The following CTNNA3 variants were observed in gnomAD, a reference collection of about 807,000 sequenced individuals.
The protein encoded by CTNNA3 is catenin alpha 3, also known as catenin alpha-3.
In CTNNA3, 76 loss-of-function variants were observed where a neutral mutation model predicts 95.7. That is an observed-to-expected ratio of 0.79 (90% CI 0.66 to 0.96). The LOEUF (loss-of-function observed/expected upper bound fraction) is 0.96, where lower values mean the gene tolerates loss of function less well. Ranked by LOEUF, CTNNA3 falls within the 40% of genes least tolerant of loss-of-function variation. The probability of loss-of-function intolerance (pLI) is 0.00; values close to 1 mark genes in which losing one functional copy is unlikely to be tolerated. For missense variants in CTNNA3, 1,191 were observed against 1,089.8 expected (o/e 1.09, Z -1.31); for synonymous variants, 431 against 374.4 (o/e 1.15, Z -1.74).
rs772272609 is a variant in CTNNA3, at chr10:67,566,043, GTATATATATATATATATA to G, written c.293-26392_293-26375del. Among the ~76,000 whole-genome samples the G allele has an allele frequency of 2.5e-3, 67 of 26,960 alleles. 5 individuals carry two copies. The highest frequency in any genetic ancestry group is 0.025 in the Middle Eastern group (1 of 40). 17.7% of individuals were successfully genotyped at this position (26,960 alleles called of 152,430 possible). On this transcript the variant is annotated intron_variant, in intron 3 of 17. Coordinates refer to ENST00000433211, the MANE Select transcript of CTNNA3 (RefSeq NM_013266.4). ...CACACACACACACATATGTGTGTGT[GTATATATATATATATATA>G]TATATATATATACAAAACCTAGGCA...
intron 5 of CTNNA3, among the ~76,000 whole-genome samples, chr10:67,354,113 A>G (rs1842729158): frequency 6.6e-6 from 1 of 152,018 alleles, no homozygotes; most frequent in African/African-American, 2.4e-5. Flanking sequence ...GAACATTACA[A>G]AAGTCTTGCT....
chr10:66,280,160 T>C, intron 13 of CTNNA3, among the ~76,000 whole-genome samples: 1 of 152,078 alleles, frequency 6.6e-6, no homozygotes, highest in Non-Finnish European at 1.5e-5. Context: ...AATTACTTTA[T>C]GTATTTTTCT....
intron 5 of CTNNA3, among the ~76,000 whole-genome samples, chr10:67,496,230 C>T (rs757507578): frequency 2.6e-5 from 4 of 152,172 alleles, no homozygotes; most frequent in African/African-American, 4.8e-5. Flanking sequence ...TTTCATCTTG[C>T]GGTGTGACAG....
chr10:66,896,497 C>T (rs891585297), intron 7 of CTNNA3, among the ~76,000 whole-genome samples: 6 of 152,180 alleles, frequency 3.9e-5, no homozygotes, highest in Admixed American at 1.3e-4. Context: ...ATCCAACAGG[C>T]TGTGTTCTGA....
chr10:67,613,560 C>A (rs1843535394), intron 2 of CTNNA3, among the ~76,000 whole-genome samples: 1 of 152,070 alleles, frequency 6.6e-6, no homozygotes, highest in Non-Finnish European at 1.5e-5. Flanking sequence ...TATCTCCTGT[C>A]TAGTTTAGTT....
intron 13 of CTNNA3, among the ~76,000 whole-genome samples, chr10:66,212,695 A>G (rs2088245936): frequency 6.6e-6 from 1 of 152,190 alleles, no homozygotes; most frequent in Non-Finnish European, 1.5e-5. Context: ...ATTAAGAGAT[A>G]GCTAAAAATA....
chr10:66,556,686 G>A (rs187860124), intron 10 of CTNNA3, among the ~76,000 whole-genome samples: 1 of 152,102 alleles, frequency 6.6e-6, no homozygotes, highest in East Asian at 1.9e-4. Flanking sequence ...ATACATAGAA[G>A]CCAAAGAGTA....
rs780300322 is a variant in CTNNA3 at position 66,700,576 on chromosome 10, C to A, written c.1281+65688G>T. On this transcript the variant is annotated intron_variant, in intron 9 of 17. Transcript: ENST00000433211. ...ACATTAGGGAATGTCATACCTCCAA[C>A]TTTATTTTTCTTTCTCAAGATTGTT... Among the ~76,000 whole-genome samples, 11 of 152,254 alleles carry A rather than the reference C, an allele frequency of 7.2e-5. No homozygotes were observed. In the East Asian group the frequency reaches 1.5e-3, roughly 21 times the overall value.
chr10:67,259,621 G>A (rs193290154), intron 5 of CTNNA3, among the ~76,000 whole-genome samples: 51 of 152,200 alleles, frequency 3.4e-4, no homozygotes, highest in African/African-American at 1.1e-3. Context: ...TAAAATATAC[G>A]TCCCTGAGGT....
chr10:66,926,353 T>G, intron 7 of CTNNA3: 1 of 608,244 alleles, frequency 1.6e-6, no homozygotes, highest in Non-Finnish European at 2.9e-6. Flanking sequence ...CTAGGAAGAT[T>G]TTGATGTTTT....
At chr10:66,692,486 T>C (rs936498884) in intron 9 of CTNNA3, among the ~76,000 whole-genome samples, 7 of 152,058 alleles carry the variant, frequency 4.6e-5, no homozygotes, top group Admixed American at 3.9e-4. Flanking sequence ...CTACATCTGA[T>C]TGGTGTACCT....
At chr10:66,676,735 T>C (rs1200030394) in intron 9 of CTNNA3, among the ~76,000 whole-genome samples, 1 of 152,124 alleles carries the variant, frequency 6.6e-6, no homozygotes, top group Non-Finnish European at 1.5e-5. Flanking sequence ...TTTATACAAA[T>C]AAAATATTCA....
At chr10:67,691,117 C>T (rs1455822587) in intron 1 of CTNNA3, among the ~76,000 whole-genome samples, 5 of 152,234 alleles carry the variant, frequency 3.3e-5, no homozygotes, top group African/African-American at 4.8e-5. Context: ...TGGTCTCCAG[C>T]TCCCAACCAC....
At chr10:67,485,276 A>G (rs1848399346) in intron 5 of CTNNA3, among the ~76,000 whole-genome samples, 1 of 152,180 alleles carries the variant, frequency 6.6e-6, no homozygotes, top group South Asian at 2.1e-4. Context: ...TTGGATACTC[A>G]TGGGCATAAG....
chr10:65,951,066 T>C (rs992662837), intron 17 of CTNNA3, among the ~76,000 whole-genome samples: 4 of 152,210 alleles, frequency 2.6e-5, no homozygotes, highest in African/African-American at 7.2e-5. Context: ...TTGGTACACA[T>C]GTACTTTTTT....
chr10:67,175,358 C>G (rs1048467924), intron 7 of CTNNA3, among the ~76,000 whole-genome samples: 11 of 152,104 alleles, frequency 7.2e-5, no homozygotes, highest in Non-Finnish European at 1.5e-4. Flanking sequence ...AGATGGAGGT[C>G]TATACAAAAG....
rs371468625 is a variant in CTNNA3, at chr10:66,592,222, AATACTTTTC to A, written c.1374+29461_1374+29469del. The stretch of plus-strand genomic sequence containing the variant: ...TGGTTTTTCAACAGACCTATACAAT[AATACTTTTC>A]ATAGGATTGTTGTGAGAATACAAAT... On this transcript the variant is annotated intron_variant, in intron 10 of 17. Transcript: ENST00000433211. Among the ~76,000 whole-genome samples the A allele has an allele frequency of 8.9e-4, 136 of 152,236 alleles. No homozygotes were observed. In the East Asian group the frequency reaches 0.023, roughly 26 times the overall value.
At chr10:67,359,044 G>A (rs183022931) in intron 5 of CTNNA3, among the ~76,000 whole-genome samples, 49 of 151,988 alleles carry the variant, frequency 3.2e-4, no homozygotes, top group African/African-American at 9.4e-4. Context: ...ATGACACCAC[G>A]AAAACATAAA....
intron 7 of CTNNA3, among the ~76,000 whole-genome samples, chr10:66,812,286 T>C (rs1223625829): frequency 2.6e-5 from 4 of 152,140 alleles, no homozygotes; most frequent in African/African-American, 4.8e-5. Flanking sequence ...AAAATATCTA[T>C]AAATTATATA....
Sources: allele counts gnomAD v4.1 joint callset (sites outside exome capture counted in the v4.1 genomes callset), GRCh38; gene constraint gnomAD v4.1.1; transcripts MANE v1.5; gene names NCBI Gene and HGNC (gene_info 2026-07-23, HGNC 2026-07-21).